The following GABRB3 variants were observed in gnomAD, a reference collection of about 807,000 sequenced individuals.
The protein encoded by GABRB3 is gamma-aminobutyric acid receptor subunit beta-3.
In GABRB3, 14 loss-of-function variants were observed where a neutral mutation model predicts 52.1. The observed-to-expected ratio is 0.27, with a 90% CI of 0.18 to 0.42. The LOEUF (loss-of-function observed/expected upper bound fraction) is 0.42. Among genes scored for constraint, GABRB3 ranks in the 10% least tolerant of loss-of-function variants. The probability of loss-of-function intolerance (pLI) is 1.00; values close to 1 mark genes in which losing one functional copy is unlikely to be tolerated. For missense variants in GABRB3, 307 were observed against 609.1 expected, an observed-to-expected ratio of 0.50 and a Z score of 5.22; for synonymous variants, 260 against 232.3, an observed-to-expected ratio of 1.12 and a Z score of -1.08.
chr15:26,639,113 C>T (rs773379038), intron 3 of GABRB3, among the ~76,000 whole-genome samples: 3 of 152,236 alleles, frequency 2.0e-5, no homozygotes, highest in East Asian at 1.9e-4. Context: ...ATGGTTCTCA[C>T]GGCAGCACAG....
chr15:26,619,266 C>G (rs372170970), intron 4 of GABRB3, among the ~76,000 whole-genome samples: 2 of 151,608 alleles, frequency 1.3e-5, no homozygotes, highest in East Asian at 3.9e-4. Flanking sequence ...TTGGAACCAA[C>G]CCAAATGTCC....
chr15:26,598,257 A>T (rs937012161), intron 4 of GABRB3, among the ~76,000 whole-genome samples: 1 of 152,194 alleles, frequency 6.6e-6, no homozygotes, highest in Non-Finnish European at 1.5e-5. Flanking sequence ...AAGCAAAAAA[A>T]CAAAAAAGGT....
At chr15:26,715,614 A>T (rs1054194607) in intron 3 of GABRB3, among the ~76,000 whole-genome samples, 5 of 152,250 alleles carry the variant, frequency 3.3e-5, no homozygotes, top group African/African-American at 1.2e-4. Flanking sequence ...CGATTCTCTT[A>T]CTAGTCCTGA....
At chr15:26,626,242 ATGT>A in intron 3 of GABRB3, among the ~76,000 whole-genome samples, 1 of 152,214 alleles carries the variant, frequency 6.6e-6, no homozygotes, top group East Asian at 1.9e-4. Flanking sequence ...TATCGTACAA[ATGT>A]TGTGTGTCCT....
Position 26,709,515 on chromosome 15 carries a change from C to CTTTTTTTTT in GABRB3, c.240+62878_240+62886dup, listed in dbSNP as rs57044167. Among the ~76,000 whole-genome samples the CTTTTTTTTT allele has an allele frequency of 6.3e-3, 584 of 91,984 alleles. 6 individuals are homozygous for CTTTTTTTTT. Among genetic ancestry groups the CTTTTTTTTT allele is most frequent in the Non-Finnish European group, 9.1e-3 (437 of 47,846 alleles). The allele number at this position is 91,984 out of a possible 152,430, so 60.3% of individuals were successfully genotyped here. On this transcript the variant is annotated intron_variant, in intron 3 of 8. Transcript: ENST00000311550. Reference sequence around the variant, plus strand: ...TAAACCTCTTTTCTTTTTTTTCTTTCTTTTTTTTTTTTTTTTTTTTTTGAG... The same window carrying CTTTTTTTTT: ...TAAACCTCTTTTCTTTTTTTTCTTTCTTTTTTTTTTTTTTTTTTTTTTTTTTTTTTTGAG...
intron 3 of GABRB3, among the ~76,000 whole-genome samples, chr15:26,725,910 G>C (rs1052064825): frequency 2.0e-5 from 3 of 152,210 alleles, no homozygotes; most frequent in Admixed American, 2.0e-4. Context: ...TAGACAATCT[G>C]TGGTTGTTCA....
intron 3 of GABRB3, among the ~76,000 whole-genome samples, chr15:26,672,723 C>T (rs761817411): frequency 6.6e-6 from 1 of 152,146 alleles, no homozygotes; most frequent in Non-Finnish European, 1.5e-5. Context: ...CATGTACACA[C>T]ACAAATTAAA....
intron 3 of GABRB3, among the ~76,000 whole-genome samples, chr15:26,702,997 T>C (rs1415364437): frequency 6.6e-6 from 1 of 152,122 alleles, no homozygotes; most frequent in Non-Finnish European, 1.5e-5. Context: ...AAATGGCCTT[T>C]TTGCTTTAAT....
In GABRB3 at chr15:26,757,305, G is replaced by A. The variant is rs752584459; in HGVS notation, c.240+15097C>T. Among the ~76,000 whole-genome samples, 5 of 151,996 alleles carry A rather than the reference G, an allele frequency of 3.3e-5. No homozygotes were observed. The South Asian group carries it at 6.2e-4, about 19-fold the overall frequency. ...TTCTTCACTCCTGCCCTGCAACCAC[G>A]GCCCAACAGCGTCCCTAGGAGCTGT... On this transcript the variant is annotated intron_variant, in intron 3 of 8. Transcript: ENST00000311550.
At chr15:26,560,887 C>A in intron 8 of GABRB3, 45 bp downstream of exon 8, 1 of 1,612,400 alleles carries the variant, frequency 6.2e-7, no homozygotes, top group Non-Finnish European at 8.5e-7. Context: ...GCAGTAGCTG[C>A]TGAGCTGCAG....
At chr15:26,652,458 G>A (rs189952085) in intron 3 of GABRB3, among the ~76,000 whole-genome samples, 4 of 152,174 alleles carry the variant, frequency 2.6e-5, no homozygotes, top group African/African-American at 9.6e-5. Context: ...CATCTTACCA[G>A]GAACAAAGAT....
chr15:26,698,874 T>A (rs909879654), intron 3 of GABRB3, among the ~76,000 whole-genome samples: 2 of 152,182 alleles, frequency 1.3e-5, no homozygotes, highest in Non-Finnish European at 2.9e-5. Flanking sequence ...ATCTAATTCA[T>A]CAACTAAAAC....
chr15:26,723,625 T>A (rs1352763441), intron 3 of GABRB3, among the ~76,000 whole-genome samples: 1 of 152,218 alleles, frequency 6.6e-6, no homozygotes, highest in South Asian at 2.1e-4. Flanking sequence ...ATTGTCCCAA[T>A]GAATTCTCCT....
intron 3 of GABRB3, among the ~76,000 whole-genome samples, chr15:26,679,851 A>G (rs1321437067): frequency 1.3e-5 from 2 of 152,170 alleles, no homozygotes; most frequent in African/African-American, 4.8e-5. Flanking sequence ...GCACTTGTCA[A>G]TCATATGTGG....
intron 3 of GABRB3, chr15:26,624,675 C>T: frequency 3.0e-6 from 3 of 985,176 alleles, no homozygotes; most frequent in Non-Finnish European, 3.6e-6. Context: ...AAAATCCAAA[C>T]CCGCTGCATG....
intron 3 of GABRB3, among the ~76,000 whole-genome samples, chr15:26,671,718 T>C (rs912307462): frequency 4.6e-5 from 7 of 152,222 alleles, no homozygotes; most frequent in African/African-American, 1.4e-4. Flanking sequence ...ATGGTTGACA[T>C]GTTTTCAATT....
intron 3 of GABRB3, among the ~76,000 whole-genome samples, chr15:26,763,539 T>C (rs1890878036): frequency 2.0e-5 from 3 of 150,582 alleles, no homozygotes; most frequent in South Asian, 4.2e-4. Flanking sequence ...TTGGCAAAAA[T>C]TAACAATATT....
chr15:26,688,930 A>C (rs1888491800), intron 3 of GABRB3, among the ~76,000 whole-genome samples: 1 of 152,216 alleles, frequency 6.6e-6, no homozygotes, highest in Admixed American at 6.5e-5. Flanking sequence ...GGTTTCTTTA[A>C]GCCCCATTTT....
At chr15:26,680,677 C>T (rs1888212554) in intron 3 of GABRB3, among the ~76,000 whole-genome samples, 1 of 152,192 alleles carries the variant, frequency 6.6e-6, no homozygotes, top group Admixed American at 6.5e-5. Context: ...TAATCATTTA[C>T]TAGGCAGCTA....
Sources: allele counts gnomAD v4.1 joint callset (sites outside exome capture counted in the v4.1 genomes callset), GRCh38; gene constraint gnomAD v4.1.1; transcripts MANE v1.5; gene names NCBI Gene and HGNC (gene_info 2026-07-23, HGNC 2026-07-21).